The following ANKRD26 variants were observed in gnomAD, a reference collection of about 807,000 sequenced individuals.
ANKRD26 encodes the protein ankyrin repeat domain 26.
Under a neutral mutation model 208.7 loss-of-function variants are expected in ANKRD26, and 141 were observed. That is an observed-to-expected ratio of 0.68 (90% CI 0.59 to 0.78). The LOEUF is 0.78. ANKRD26 is among the 30% of genes least tolerant of loss of function. The pLI is 0.00. For synonymous variants in ANKRD26, 636 were observed against 660.4 expected (o/e 0.96, Z 0.57); for missense variants, 1,889 against 1,938.7 (o/e 0.97, Z 0.48).
chr10:27,026,813 T>C (rs896084613), intron 27 of ANKRD26, among the ~76,000 whole-genome samples: 2 of 152,076 alleles, frequency 1.3e-5, no homozygotes, highest in African/African-American at 4.8e-5. Context: ...TAGTTTTTTT[T>C]TTTGAGATGG....
chr10:27,002,858 GCAC>G (rs1297591592), downstream of ANKRD26, among the ~76,000 whole-genome samples: 6 of 152,106 alleles, frequency 3.9e-5, no homozygotes, highest in Admixed American at 2.0e-4. Context: ...ATTTAACACA[GCAC>G]CACCACTACA....
intron 15 of ANKRD26, among the ~76,000 whole-genome samples, chr10:27,055,352 A>T (rs1250515161): frequency 6.6e-6 from 1 of 152,218 alleles, no homozygotes; most frequent in African/African-American, 2.4e-5. Context: ...GCAAACAAGC[A>T]TATATATGTA....
chr10:27,078,095 T>C (rs966374296), intron 7 of ANKRD26, among the ~76,000 whole-genome samples: 2 of 152,220 alleles, frequency 1.3e-5, no homozygotes, highest in African/African-American at 2.4e-5. Flanking sequence ...TATATTTGCA[T>C]GAATTACCTC....
At chr10:27,040,728 A>T (rs2054206732) in intron 20 of ANKRD26, among the ~76,000 whole-genome samples, 1 of 152,142 alleles carries the variant, frequency 6.6e-6, no homozygotes, top group Non-Finnish European at 1.5e-5. Context: ...GATCCCTGAC[A>T]GACAAGAAAC....
intron 30 of ANKRD26, among the ~76,000 whole-genome samples, chr10:27,017,064 T>G (rs1479546998): frequency 2.0e-5 from 3 of 152,168 alleles, no homozygotes; most frequent in Non-Finnish European, 4.4e-5. Flanking sequence ...CATCGTGATG[T>G]GCACCTGTAG....
chr10:27,074,862 C>T (rs1419028631), intron 9 of ANKRD26, among the ~76,000 whole-genome samples: 1 of 151,192 alleles, frequency 6.6e-6, no homozygotes, highest in Non-Finnish European at 1.5e-5. Context: ...TAAAGGAAAA[C>T]CTATCAGACT....
intron 11 of ANKRD26, among the ~76,000 whole-genome samples, chr10:27,065,444 T>C (rs1259010289): frequency 6.6e-6 from 1 of 152,128 alleles, no homozygotes; most frequent in Admixed American, 6.6e-5. Flanking sequence ...CCAGTAACTG[T>C]CTACTGAAAC....
At chr10:26,984,048 C>T (rs1483584168) in intron 3 of ANKRD26, among the ~76,000 whole-genome samples, 8 of 151,732 alleles carry the variant, frequency 5.3e-5, no homozygotes, top group African/African-American at 1.2e-4. Flanking sequence ...CTACAGCAGA[C>T]GGCAGTGGCA....
intron 25 of ANKRD26, chr10:27,030,650 A>G (rs2053835501): frequency 1.0e-6 from 1 of 953,790 alleles, no homozygotes; most frequent in South Asian, 4.9e-5. Flanking sequence ...GGTGAAAAAC[A>G]TGAGCATTTG....
At position 27,014,577 on chromosome 10, in the gene ANKRD26, A is replaced by C. The variant is rs370491617; in HGVS notation, c.4641T>G (p.Phe1547Leu). The C allele has an allele frequency of 5.3e-5, 85 of 1,607,486 alleles. No individual in the cohort carries two copies. In the African/African-American group the frequency reaches 1.0e-3, roughly 19 times the overall value. Reference protein sequence around the residue: ...LSKIKTSQEDFNKTELEKYKQ... With the variant: ...LSKIKTSQEDLNKTELEKYKQ... Reference sequence around the variant, plus strand: ...TATATTTTTCCAGTTCGGTTTTATTAAAGTCTTCTTGAGAAGTTTTTATTT... The same window carrying C: ...TATATTTTTCCAGTTCGGTTTTATTCAAGTCTTCTTGAGAAGTTTTTATTT... Residue 1547 changes from phenylalanine (F) to leucine (L), a missense_variant, in exon 31 of 34, where the codon TTT (phenylalanine) becomes TTG (leucine). Coordinates refer to ENST00000376087, the MANE Select transcript of ANKRD26 (RefSeq NM_014915.3).
At chr10:26,995,358 G>T (rs115121411) in intron 4 of ANKRD26, among the ~76,000 whole-genome samples, 1 of 152,162 alleles carries the variant, frequency 6.6e-6, no homozygotes, top group African/African-American at 2.4e-5. Context: ...AGTGGCTGAT[G>T]TTGCTCTCAT....
At chr10:26,990,190 T>C, downstream of ANKRD26, among the ~76,000 whole-genome samples, 1 of 152,182 alleles carries the variant, frequency 6.6e-6, no homozygotes, top group Non-Finnish European at 1.5e-5. Flanking sequence ...GAGTCTGCTT[T>C]GGTTATAGTT....
At chr10:27,047,739 A>ATTATTATTATT (rs1564388490) in intron 17 of ANKRD26, among the ~76,000 whole-genome samples, 4 of 49,338 alleles carry the variant, frequency 8.1e-5, no homozygotes, top group African/African-American at 1.5e-4. Flanking sequence ...TAATAATAAT[A>ATTATTATTATT]ATTATTATTA....
intron 30 of ANKRD26, among the ~76,000 whole-genome samples, chr10:27,015,086 T>C (rs1310043511): frequency 6.6e-6 from 1 of 152,216 alleles, no homozygotes; most frequent in Non-Finnish European, 1.5e-5. Flanking sequence ...ACTACAAATG[T>C]GGAGATATTT....
At chr10:27,033,165 AAC>A (rs1268572048) in intron 25 of ANKRD26, 58 bp downstream of exon 25, 2 of 1,377,342 alleles carry the variant, frequency 1.5e-6, no homozygotes, top group African/African-American at 2.9e-5. Context: ...AGTATGATAA[AAC>A]ACTATATATT....
At chr10:27,084,779 G>T (rs1308444150) in intron 5 of ANKRD26, among the ~76,000 whole-genome samples, 1 of 150,438 alleles carries the variant, frequency 6.6e-6, no homozygotes, top group Non-Finnish European at 1.5e-5. Flanking sequence ...TGAGGCAAAA[G>T]AATTGCTTGA....
At chr10:26,952,262 G>A in the ANKRD26 span, among the ~76,000 whole-genome samples, 3 of 151,774 alleles carry the variant, frequency 2.0e-5, no homozygotes, top group Non-Finnish European at 4.4e-5. Flanking sequence ...TGCTTGTGGT[G>A]TGCTGTGCCC....
intron 15 of ANKRD26, among the ~76,000 whole-genome samples, chr10:27,059,485 G>A (rs1388694007): frequency 2.0e-5 from 3 of 152,188 alleles, no homozygotes; most frequent in Non-Finnish European, 2.9e-5. Flanking sequence ...AAGAGCATGG[G>A]AATGGGAACG....
chr10:27,063,879 C>A, intron 12 of ANKRD26, 109 bp downstream of exon 12: 2 of 882,428 alleles, frequency 2.3e-6, no homozygotes, highest in Admixed American at 4.1e-5. Flanking sequence ...TTTATTCTTA[C>A]TATGCATTTA....
Sources: gnomAD v4.1 joint callset for allele counts (sites outside exome capture counted in the v4.1 genomes callset) on GRCh38, gnomAD v4.1.1 for gene constraint, MANE v1.5 for transcripts, NCBI Gene and HGNC (gene_info 2026-07-23, HGNC 2026-07-21) for gene names.